The following LDHAL6A variants were observed in gnomAD, a reference collection of about 807,000 sequenced individuals.
The protein encoded by LDHAL6A is lactate dehydrogenase A like 6A.
A neutral mutation model predicts 28.2 loss-of-function variants in LDHAL6A; 19 were observed. The observed-to-expected ratio is 0.67, with a 90% CI of 0.47 to 0.99. LDHAL6A has a LOEUF of 0.99. LDHAL6A is among the 50% of genes least tolerant of loss of function. The pLI is 0.00. For synonymous variants in LDHAL6A, 144 were observed against 134.4 expected (o/e 1.07, Z -0.49); for missense variants, 372 against 398.6 (o/e 0.93, Z 0.57).
chr11:18,465,260 C>T (rs1849035071), intron 2 of LDHAL6A, among the ~76,000 whole-genome samples: 1 of 151,772 alleles, frequency 6.6e-6, no homozygotes, highest in Non-Finnish European at 1.5e-5. Context: ...GTAGCTGGGA[C>T]TACAGGCATC....
chr11:18,463,353 G>T (rs1848974530), intron 1 of LDHAL6A, among the ~76,000 whole-genome samples: 1 of 152,082 alleles, frequency 6.6e-6, no homozygotes, highest in Non-Finnish European at 1.5e-5. Flanking sequence ...GCTGCCTTGG[G>T]ACTCTGCAGA....
At chr11:18,476,267 T>C in intron 4 of LDHAL6A, 117 bp from the exon 5 acceptor site, 1 of 1,186,310 alleles carries the variant, frequency 8.4e-7, no homozygotes, top group Non-Finnish European at 1.2e-6. Context: ...GGCTCAGATA[T>C]CGGAACATTC....
At chr11:18,465,202 G>C (rs1239546763) in intron 2 of LDHAL6A, among the ~76,000 whole-genome samples, 1 of 151,584 alleles carries the variant, frequency 6.6e-6, no homozygotes. Context: ...GTGTGATCTT[G>C]GCTCACTGCC....
chr11:18,477,288 G>A (rs553634531), intron 5 of LDHAL6A, among the ~76,000 whole-genome samples: 3 of 152,022 alleles, frequency 2.0e-5, no homozygotes, highest in East Asian at 3.9e-4. Context: ...GTGAAAACCC[G>A]TCTCTACTAA....
chr11:18,475,616 T>C lies in LDHAL6A; in HGVS notation c.569T>C (p.Leu190Pro). Residue 190 changes from leucine (L) to proline (P), a missense_variant, in exon 4 of 7, where the codon CTT becomes CCT. Around this residue, in one of 3 missense-constraint regions of LDHAL6A, gnomAD observed 291 missense variants for 302.9 expected, o/e 0.96. Coordinates refer to ENST00000280706, the MANE Select transcript of LDHAL6A (RefSeq NM_144972.5). ...TCTGAAAGCTGTCATGGGCTGATCCTTGGAGAGCATGGCGACTCAAGTGGT... is the reference window on the plus strand; with the variant it reads ...TCTGAAAGCTGTCATGGGCTGATCCCTGGAGAGCATGGCGACTCAAGTGGT... The part of the protein sequence containing the change: ...IHSESCHGLI[L>P]GEHGDSSVPV... 1 of 1,613,658 alleles carries C rather than the reference T, an allele frequency of 6.2e-7. No individual in the cohort carries two copies. The highest frequency in any genetic ancestry group is 1.1e-5 in the South Asian group (1 of 90,908).
At chr11:18,471,502 G>A (rs1486178972) in intron 3 of LDHAL6A, among the ~76,000 whole-genome samples, 3 of 151,906 alleles carry the variant, frequency 2.0e-5, no homozygotes, top group East Asian at 1.9e-4. Context: ...GAACCGCCAC[G>A]CCTGCATACA....
At chr11:18,458,802 A>T (rs954504373) in intron 1 of LDHAL6A, among the ~76,000 whole-genome samples, 2 of 152,216 alleles carry the variant, frequency 1.3e-5, no homozygotes, top group African/African-American at 4.8e-5. Context: ...TTAGTGTTGT[A>T]TCTGGAATCT....
In LDHAL6A at chr11:18,456,588, C is replaced by A; in HGVS notation, c.-93C>A. ...CACGGGCCCAGGAGTTCTCTATACG[C>A]GCTCTCACCGCAGGTCTTGGAATTC... is the stretch of plus-strand genomic sequence containing the variant. On this transcript the variant is annotated 5_prime_UTR_variant, in exon 1 of 7. Coordinates refer to ENST00000280706, the MANE Select transcript of LDHAL6A (RefSeq NM_144972.5). 1 of 1,169,566 alleles carries A rather than the reference C, an allele frequency of 8.6e-7. No homozygotes were observed. The allele number at this position is 1,169,566 out of a possible 1,614,324, so 72.4% of individuals were successfully genotyped here.
intron 3 of LDHAL6A, among the ~76,000 whole-genome samples, chr11:18,474,253 A>C (rs1239879845): frequency 2.7e-5 from 4 of 150,166 alleles, no homozygotes; most frequent in Non-Finnish European, 5.9e-5. Context: ...TAATTTTTTT[A>C]TTTTTAGTAG....
Position 18,468,025 on chromosome 11 carries a change from GTATATATATATACATATATATACGTA to G in LDHAL6A, c.418+2226_418+2251del, listed in dbSNP as rs1453915712. Among the ~76,000 whole-genome samples, 4 of 54,996 alleles carry G rather than the reference GTATATATATATACATATATATACGTA, an allele frequency of 7.3e-5. 1 individual carries two copies. Among genetic ancestry groups the G allele is most frequent in the African/African-American group, 4.5e-4 (4 of 8,988 alleles). The allele number at this position is 54,996 out of a possible 152,430, so 36.1% of individuals were successfully genotyped here. A position where few individuals can be genotyped will look rare whatever the true frequency, so the allele number is the denominator to read the frequency against. ...TACGTATATATATACATATATATAC[GTATATATATATACATATATATACGTA>G]TATATATATACATATATATATATAT... is the stretch of plus-strand genomic sequence containing the variant. On this transcript the variant is annotated intron_variant, in intron 3 of 6. Transcript: ENST00000280706.
chr11:18,467,956 C>A, intron 3 of LDHAL6A, among the ~76,000 whole-genome samples: 1 of 19,072 alleles, frequency 5.2e-5, no homozygotes. Context: ...TATATATATA[C>A]GTATATATAT....
At chr11:18,462,759 G>C (rs1848959226) in intron 1 of LDHAL6A, among the ~76,000 whole-genome samples, 1 of 151,716 alleles carries the variant, frequency 6.6e-6, no homozygotes. Context: ...CTAGAACCCA[G>C]GAAGCGGAGG....
At chr11:18,464,712 T>C (rs1849002628) in intron 2 of LDHAL6A, among the ~76,000 whole-genome samples, 1 of 143,262 alleles carries the variant, frequency 7.0e-6, no homozygotes, top group South Asian at 2.2e-4. Context: ...TGAAACTCTG[T>C]CTCAAAAAAA....
At chr11:18,465,425 C>T (rs934038838) in intron 2 of LDHAL6A, among the ~76,000 whole-genome samples, 19 of 108,792 alleles carry the variant, frequency 1.7e-4, no homozygotes, top group Admixed American at 6.1e-4. Flanking sequence ...ACATGACTTA[C>T]GTTTTTTTTT....
chr11:18,465,848 CG>C, intron 3 of LDHAL6A, 38 bp downstream of exon 3: 2 of 1,517,116 alleles, frequency 1.3e-6, no homozygotes, highest in East Asian at 2.3e-5. Flanking sequence ...CTTTTAGATT[CG>C]GGGGTACACT....
chr11:18,476,080 C>A lies in LDHAL6A; in HGVS notation c.593-304C>A, dbSNP rs371515628. On this transcript the variant is annotated intron_variant, in intron 4 of 6. Coordinates refer to ENST00000280706, the MANE Select transcript of LDHAL6A (RefSeq NM_144972.5). ...CCCTTAGTGTCTTCTGGCTAAAAACCTTTGAAATCTATTTAATGTAAACCT... is the reference window on the plus strand; with the variant it reads ...CCCTTAGTGTCTTCTGGCTAAAAACATTTGAAATCTATTTAATGTAAACCT... Among the ~76,000 whole-genome samples, 11 of 152,062 alleles carry A rather than the reference C, an allele frequency of 7.2e-5. 1 individual carries two copies. Among genetic ancestry groups the A allele is most frequent in the African/African-American group, 2.2e-4 (9 of 41,414 alleles).
At chr11:18,466,728 A>G (rs1849084539) in intron 3 of LDHAL6A, among the ~76,000 whole-genome samples, 1 of 151,900 alleles carries the variant, frequency 6.6e-6, no homozygotes, top group African/African-American at 2.4e-5. Flanking sequence ...TTTATATTCT[A>G]AAGGCTGAGG....
chr11:18,456,480 C>A lies in LDHAL6A; in HGVS notation c.-201C>A. ...CTTCCCCTGGTCCGCTTCATGGATG[C>A]TGAGCTGCCTGGCCAGAACCTACCC... On this transcript the variant is annotated 5_prime_UTR_variant, in exon 1 of 7. It adds an upstream start codon to the 5' untranslated region. Coordinates refer to ENST00000280706, the MANE Select transcript of LDHAL6A (RefSeq NM_144972.5). 1.8e-6 allele frequency: 1 copy of A among 553,562 alleles called. No individual in the cohort carries two copies. The highest frequency in any genetic ancestry group is 3.2e-6 in the Non-Finnish European group (1 of 313,596). The allele number at this position is 553,562 out of a possible 1,614,324, so 34.3% of individuals were successfully genotyped here. A position where few individuals can be genotyped will look rare whatever the true frequency, so the allele number is the denominator to read the frequency against.
At chr11:18,468,058 T>TAC (rs1292723452) in intron 3 of LDHAL6A, among the ~76,000 whole-genome samples, 1 of 11,386 alleles carries the variant, frequency 8.8e-5, no homozygotes, top group African/African-American at 1.7e-4. Flanking sequence ...CGTATATATA[T>TAC]ATACATATAT....
Sources: gnomAD v4.1 joint callset for allele counts (sites outside exome capture counted in the v4.1 genomes callset) on GRCh38, gnomAD v4.1.1 for gene constraint, gnomAD v4.1.1 regional missense constraint, MANE v1.5 for transcripts, NCBI Gene and HGNC (gene_info 2026-07-23, HGNC 2026-07-21) for gene names.